The following CACNA1H variants were observed in gnomAD, a reference collection of about 807,000 sequenced individuals.
CACNA1H encodes voltage-dependent T-type calcium channel subunit alpha-1H.
CACNA1H carries 149 observed loss-of-function variants against 192.5 expected under a neutral mutation model. The ratio of observed to expected loss-of-function variants is 0.77; its 90% CI spans 0.68 to 0.89. The LOEUF (loss-of-function observed/expected upper bound fraction) is 0.89. Ranked by LOEUF, CACNA1H falls within the 40% of genes least tolerant of loss-of-function variation. The pLI is 0.00. For synonymous variants in CACNA1H, 2,202 were observed against 1,475.2 expected, an observed-to-expected ratio of 1.49 and a Z score of -11.29; for missense variants, 4,257 against 3,423.5, an observed-to-expected ratio of 1.24 and a Z score of -6.08.
chr16:1,159,559 T>G (rs1962907154), intron 2 of CACNA1H: 1 of 151,560 alleles, frequency 6.6e-6, no homozygotes, highest in African/African-American at 2.4e-5. Flanking sequence ...AGAGTGCGGG[T>G]GGGGACAGCA....
At chr16:1,209,476 A>G in intron 17 of CACNA1H, 64 bp downstream of exon 17, 1 of 1,570,624 alleles carries the variant, frequency 6.4e-7, no homozygotes, top group Non-Finnish European at 8.6e-7. Flanking sequence ...GGTTCCCTCA[A>G]GTGGGGTTTG....
chr16:1,185,783 G>T (rs1234342009), intron 2 of CACNA1H, among the ~76,000 whole-genome samples: 4 of 87,768 alleles, frequency 4.6e-5, no homozygotes, highest in Admixed American at 1.1e-4. Context: ...GCCGGAGGCG[G>T]GGTGTGTATG....
Position 1,180,317 on chromosome 16 carries a change from G to C in CACNA1H, c.300-14655G>C, listed in dbSNP as rs760046404. Reference sequence around the variant, plus strand: ...GCATAATGTGAGGCGAGAGGGACTCGGGCTGCTGTGGGCTGGGGAGGACGG... The same window carrying C: ...GCATAATGTGAGGCGAGAGGGACTCCGGCTGCTGTGGGCTGGGGAGGACGG... On this transcript the variant is annotated intron_variant, in intron 2 of 34. Coordinates refer to ENST00000348261, the MANE Select transcript of CACNA1H (RefSeq NM_021098.3). The surrounding 1 kb of genome is among the most constrained non-coding windows in gnomAD (Gnocchi z 4.4). 6.6e-6 allele frequency among the ~76,000 whole-genome samples: 1 copy of C among 152,210 alleles called. No homozygotes were observed. Among genetic ancestry groups the C allele is most frequent in the Non-Finnish European group, 1.5e-5 (1 of 68,028 alleles).
intron 31 of CACNA1H, among the ~76,000 whole-genome samples, 177 bp from the exon 32 acceptor site, chr16:1,217,742 G>A (rs548000494): frequency 1.3e-5 from 2 of 152,330 alleles, no homozygotes; most frequent in South Asian, 2.1e-4. Context: ...CAGGGGCTCC[G>A]ACCTCACACC....
chr16:1,196,089 T>C, intron 5 of CACNA1H, 66 bp downstream of exon 5: 1 of 1,276,164 alleles, frequency 7.8e-7, no homozygotes, highest in Middle Eastern at 1.9e-4. Flanking sequence ...CCTGCAGAGC[T>C]CTCAAAAGGG....
intron 2 of CACNA1H, among the ~76,000 whole-genome samples, chr16:1,191,118 C>T (rs1439495838): frequency 3.7e-5 from 4 of 106,894 alleles, no homozygotes; most frequent in Admixed American, 3.6e-4. Flanking sequence ...GGCTGTGTGG[C>T]CTCAGGCACA....
rs529555668 is a variant in CACNA1H at position 1,207,847 on chromosome 16, A to G, written c.3141A>G (p.Glu1047=). 1.2e-5 allele frequency: 19 copies of G among 1,594,682 alleles called. No homozygotes were observed. In the South Asian group the frequency reaches 2.2e-4, roughly 18 times the overall value. Residue 1047 remains glutamate, a synonymous_variant, in exon 15 of 35, where the codon GAA becomes GAG. Transcript: ENST00000348261. ...AGGAGGACTTCCACAAGCTCAGAGA[A>G]CTCCAGACCACAGGTGCGTGTGGTC... The part of the protein sequence containing the change: ...HFEEDFHKLR[E]LQTTELKMCS...
chr16:1,218,329 G>A lies in CACNA1H; in HGVS notation c.5565G>A (p.Val1855=), dbSNP rs1386947948. The part of the protein sequence containing the change: ...LVAQFVLVNV[V]VAVLMKHLEE... ...CCCAGTTCGTGCTGGTGAACGTGGT[G>A]GTGGCCGTGCTCATGAAGCACCTGG... Residue 1855 remains valine, a synonymous_variant, in exon 33 of 35, where the codon GTG becomes GTA. Transcript: ENST00000348261. 6.4e-7 allele frequency: 1 copy of A among 1,559,664 alleles called. No homozygotes were observed. Among genetic ancestry groups the A allele is most frequent in the Non-Finnish European group, 8.7e-7 (1 of 1,152,546 alleles).
intron 27 of CACNA1H, 49 bp downstream of exon 27, chr16:1,213,980 TG>T (rs777494746): frequency 6.6e-7 from 1 of 1,523,608 alleles, no homozygotes; most frequent in Admixed American, 1.9e-5. Context: ...GCACCCCCAG[TG>T]GGGCAGCCAA....
At chr16:1,213,075 G>A (rs1969647030) in intron 26 of CACNA1H, among the ~76,000 whole-genome samples, 1 of 152,240 alleles carries the variant, frequency 6.6e-6, no homozygotes, top group African/African-American at 2.4e-5. Flanking sequence ...TGGAGGCTGA[G>A]CATTCAGTGC....
rs1470588638 is a variant in CACNA1H, at chr16:1,211,175, A to G, written c.4231A>G (p.Ser1411Gly). Reference sequence around the variant, plus strand: ...TCCTTCACTCCCCTCCAGGGTCATCAGCCGGGCCCCGGGCCTCAAGCTGGT... The same window carrying G: ...TCCTTCACTCCCCTCCAGGGTCATCGGCCGGGCCCCGGGCCTCAAGCTGGT... ...LRTLRPLRVI[S>G]RAPGLKLVVE... The change falls in exon 22 of 35, where the codon AGC becomes GGC. Residue 1411 changes from serine to glycine, a missense_variant. Physicochemically the swap from Ser to Gly is moderately conservative, Grantham distance 56 (BLOSUM62 0). Transcript: ENST00000348261. 6.2e-7 allele frequency: 1 copy of G among 1,612,772 alleles called. No individual in the cohort carries two copies. Among genetic ancestry groups the G allele is most frequent in the Admixed American group, 1.7e-5 (1 of 60,020 alleles).
chr16:1,175,610 C>T (rs55697421), intron 2 of CACNA1H, among the ~76,000 whole-genome samples: 3 of 152,212 alleles, frequency 2.0e-5, no homozygotes, highest in Non-Finnish European at 4.4e-5. Flanking sequence ...TGACAGCTGG[C>T]CCCGTCCATT....
intron 7 of CACNA1H, 28 bp from the exon 8 acceptor site, chr16:1,200,688 G>A (rs1404729724): frequency 6.4e-7 from 1 of 1,567,312 alleles, no homozygotes; most frequent in African/African-American, 1.4e-5. Context: ...GGGTCGTGCG[G>A]GCCCAAGTCA....
intron 20 of CACNA1H, 40 bp from the exon 21 acceptor site, chr16:1,210,747 C>T (rs1415488535): frequency 1.3e-6 from 2 of 1,593,072 alleles, no homozygotes; most frequent in Non-Finnish European, 1.7e-6. Context: ...CCAGACCCCC[C>T]ACGCCTGAGC....
chr16:1,210,121 C>T lies in CACNA1H; in HGVS notation c.3831C>T (p.Phe1277=). The T allele has an allele frequency of 2.6e-6, 4 of 1,558,310 alleles. No individual in the cohort carries two copies. Among genetic ancestry groups the T allele is most frequent in the Non-Finnish European group, 2.6e-6 (3 of 1,151,750 alleles). The stretch of plus-strand genomic sequence containing the variant: ...GCGAGGCCTGGGCCCTCTACCTCTT[C>T]TCCCCACAGAACCGGTGAGGCGGCC... ...RSREAWALYL[F]SPQNRFRVSC... is the part of the protein sequence containing the mutation. Residue 1277 remains phenylalanine, a synonymous_variant, in exon 18 of 35, where the codon TTC becomes TTT. Coordinates refer to ENST00000348261, the MANE Select transcript of CACNA1H (RefSeq NM_021098.3).
chr16:1,170,251 T>G (rs977343010), intron 2 of CACNA1H, among the ~76,000 whole-genome samples: 1 of 152,170 alleles, frequency 6.6e-6, no homozygotes, highest in African/African-American at 2.4e-5. Flanking sequence ...GTGCAGAGCC[T>G]TCTTTGTGAG....
chr16:1,182,643 G>C (rs1249805273), intron 2 of CACNA1H, among the ~76,000 whole-genome samples: 1 of 152,290 alleles, frequency 6.6e-6, no homozygotes, highest in South Asian at 2.1e-4. Context: ...CCACATCGGG[G>C]GCCTGGCTGG....
At chr16:1,183,839 T>C (rs1298044021) in intron 2 of CACNA1H, among the ~76,000 whole-genome samples, 1 of 152,214 alleles carries the variant, frequency 6.6e-6, no homozygotes, top group Non-Finnish European at 1.5e-5. Context: ...GCTGGGAGAC[T>C]CCAAAGTCTG....
At chr16:1,209,606 C>G (rs1003603451) in intron 17 of CACNA1H, 194 bp downstream of exon 17, 3 of 687,878 alleles carry the variant, frequency 4.4e-6, no homozygotes, top group South Asian at 1.9e-5. Flanking sequence ...CAGAGTCCCC[C>G]CTCTGCCGTC....
Sources: gnomAD v4.1 joint callset for allele counts (sites outside exome capture counted in the v4.1 genomes callset) on GRCh38, gnomAD v4.1.1 for gene constraint, Gnocchi (gnomAD v3.1) non-coding constraint, MANE v1.5 for transcripts, NCBI Gene and HGNC (gene_info 2026-07-23, HGNC 2026-07-21) for gene names.